The following MSI2 variants were observed in gnomAD, a reference collection of about 807,000 sequenced individuals.
MSI2 encodes the protein RNA-binding protein Musashi homolog 2.
In MSI2, 17 loss-of-function variants were observed where a neutral mutation model predicts 45.6. The observed-to-expected ratio is 0.37, with a 90% CI of 0.26 to 0.56. MSI2 has a LOEUF of 0.56. MSI2 is among the 20% of genes least tolerant of loss of function. The probability of loss-of-function intolerance (pLI) is 0.77; values close to 1 mark genes in which losing one functional copy is unlikely to be tolerated. For synonymous variants in MSI2, 156 were observed against 158.2 expected, an observed-to-expected ratio of 0.99 and a Z score of 0.11; for missense variants, 293 against 444.2, an observed-to-expected ratio of 0.66 and a Z score of 3.06.
At chr17:57,474,667 T>C (rs1199144193) in intron 6 of MSI2, among the ~76,000 whole-genome samples, 2 of 151,900 alleles carry the variant, frequency 1.3e-5, no homozygotes, top group Admixed American at 6.6e-5. Flanking sequence ...TGTTACTCTT[T>C]GTGGGAATAT....
chr17:57,682,735 T>C lies in MSI2; in HGVS notation c.*3218T>C, dbSNP rs1231307846. 1.4e-5 allele frequency: 3 copies of C among 220,190 alleles called. No individual in the cohort carries two copies. Among genetic ancestry groups the C allele is most frequent in the Non-Finnish European group, 2.7e-5 (3 of 110,018 alleles). The allele number at this position is 220,190 out of a possible 1,614,324, so 13.6% of individuals were successfully genotyped here. Reference sequence around the variant, plus strand: ...GCGAACATGGGAACCACCTTTCGCCTTCCCTGGGGGAGAAACCCTCTTGGC... The same window carrying C: ...GCGAACATGGGAACCACCTTTCGCCCTCCCTGGGGGAGAAACCCTCTTGGC... On this transcript the variant is annotated 3_prime_UTR_variant, in exon 14 of 14. Coordinates refer to ENST00000284073, the MANE Select transcript of MSI2 (RefSeq NM_138962.4).
rs776386422 is a variant in MSI2 at position 57,280,576 on chromosome 17, G to A, written c.312+18384G>A. 7.2e-5 allele frequency among the ~76,000 whole-genome samples: 11 copies of A among 152,098 alleles called. No individual in the cohort carries two copies. Among genetic ancestry groups the A allele is most frequent in the African/African-American group, 2.2e-4 (9 of 41,434 alleles). On this transcript the variant is annotated intron_variant, in intron 5 of 13. Transcript: ENST00000284073. This position sits in a 1 kb window ranked among gnomAD's most constrained non-coding sequence, Gnocchi z 4.2. ...AGCAGAGCCCCCAACCCCCACCTCC[G>A]TGAGATTGAGAGTGTTGGCCCATGC...
intron 6 of MSI2, among the ~76,000 whole-genome samples, chr17:57,500,102 A>G (rs1048934748): frequency 4.6e-5 from 7 of 152,170 alleles, no homozygotes; most frequent in Non-Finnish European, 1.0e-4. Flanking sequence ...TATTGTGGCC[A>G]TCTTAGGAGA....
chr17:57,277,204 C>T (rs1426796698), intron 5 of MSI2, among the ~76,000 whole-genome samples: 5 of 151,928 alleles, frequency 3.3e-5, no homozygotes, highest in Admixed American at 2.6e-4. Flanking sequence ...TACAGGTACC[C>T]GCCACCACAC....
rs1913729094 is a variant in MSI2, at chr17:57,683,372, A to G, written c.*3855A>G. On this transcript the variant is annotated 3_prime_UTR_variant, in exon 14 of 14. Transcript: ENST00000284073. The surrounding 1 kb of genome is among the most constrained non-coding windows in gnomAD (Gnocchi z 5.2). The stretch of plus-strand genomic sequence containing the variant: ...TCATTTGGGGGTTTTTGGGGAAAAA[A>G]TTTATTTTTGGTTCCAAATAGAAAA... 4.4e-6 allele frequency: 1 copy of G among 229,764 alleles called. No individual in the cohort carries two copies. The highest frequency in any genetic ancestry group is 8.6e-6 in the Non-Finnish European group (1 of 116,082). The allele number at this position is 229,764 out of a possible 1,614,324, so 14.2% of individuals were successfully genotyped here.
chr17:57,412,765 A>G (rs1189718570), intron 6 of MSI2, among the ~76,000 whole-genome samples: 2 of 152,190 alleles, frequency 1.3e-5, no homozygotes, highest in African/African-American at 2.4e-5. Context: ...CAGACTGTAT[A>G]GTTTTCATAC....
chr17:57,396,622 A>G (rs1363192968), intron 5 of MSI2, among the ~76,000 whole-genome samples: 1 of 152,228 alleles, frequency 6.6e-6, no homozygotes, highest in Non-Finnish European at 1.5e-5. Context: ...GCCAGTTCTT[A>G]CGTGTAAACA....
intron 10 of MSI2, among the ~76,000 whole-genome samples, chr17:57,634,370 G>A (rs1909670014): frequency 6.6e-6 from 1 of 152,186 alleles, no homozygotes; most frequent in South Asian, 2.1e-4. Context: ...GGAGGCTGAG[G>A]CAGGAGAATC....
At chr17:57,296,823 TCTAAG>T (rs1275338477) in intron 5 of MSI2, among the ~76,000 whole-genome samples, 1 of 152,200 alleles carries the variant, frequency 6.6e-6, no homozygotes, top group Non-Finnish European at 1.5e-5. Flanking sequence ...TATGGGGAAC[TCTAAG>T]CTATTTTTGC....
chr17:57,632,798 CCATTTGATG>C (rs747008301), intron 10 of MSI2: 99 of 1,065,488 alleles, frequency 9.3e-5, no homozygotes, highest in Non-Finnish European at 1.1e-4. Flanking sequence ...CCGCACGCTT[CCATTTGATG>C]CATTTGATGT....
At position 57,291,688 on chromosome 17, in the gene MSI2, A is replaced by G. The variant is rs17821397; in HGVS notation, c.312+29496A>G. Among the ~76,000 whole-genome samples, 88 of 152,196 alleles carry G rather than the reference A, an allele frequency of 5.8e-4. No individual in the cohort carries two copies. In the East Asian group the frequency reaches 0.014, roughly 24 times the overall value. ...CTGACCTGTTGTCAGCAGGTCCCGC[A>G]CTTGAATTGTTTTCTCTACGGTAGG... On this transcript the variant is annotated intron_variant, in intron 5 of 13. Transcript: ENST00000284073.
chr17:57,699,142 AG>A, the MSI2 span, among the ~76,000 whole-genome samples: 1,788 of 37,518 alleles, frequency 0.048, 344 homozygotes, highest in African/African-American at 0.22. Flanking sequence ...AATGAGGAAG[AG>A]GCGAGGAGAG....
At chr17:57,673,064 G>A (rs933242756) in intron 11 of MSI2, among the ~76,000 whole-genome samples, 7 of 152,108 alleles carry the variant, frequency 4.6e-5, no homozygotes, top group Non-Finnish European at 7.3e-5. Context: ...GCTCACCTTC[G>A]GGCTTCCCGC....
At chr17:57,352,117 G>T (rs1395979699) in intron 5 of MSI2, among the ~76,000 whole-genome samples, 2 of 152,184 alleles carry the variant, frequency 1.3e-5, no homozygotes, top group Non-Finnish European at 2.9e-5. Flanking sequence ...TCTTTGGTTT[G>T]CTGTTGACTT....
chr17:57,474,970 C>T (rs867260945), intron 6 of MSI2, among the ~76,000 whole-genome samples: 1 of 152,206 alleles, frequency 6.6e-6, no homozygotes, highest in Admixed American at 6.5e-5. Context: ...GATCTGCCTG[C>T]CTCGGCATCC....
At chr17:57,541,490 C>A (rs2087045239) in intron 7 of MSI2, among the ~76,000 whole-genome samples, 2 of 152,202 alleles carry the variant, frequency 1.3e-5, no homozygotes, top group African/African-American at 4.8e-5. Flanking sequence ...AAGAAAACAG[C>A]AAGACAACAC....
chr17:57,687,196 A>AGAGT (rs10664872), downstream of MSI2, among the ~76,000 whole-genome samples: 94,634 of 151,684 alleles, frequency 0.62, 30,051 homozygotes, highest in African/African-American at 0.75. Flanking sequence ...AGCTGTACTC[A>AGAGT]AAATGTAAGC....
Position 57,627,066 on chromosome 17 carries a change from G to A in MSI2, c.653-163G>A, listed in dbSNP as rs1908874193. 1.5e-6 allele frequency: 1 copy of A among 663,532 alleles called. No individual in the cohort carries two copies. Among genetic ancestry groups the A allele is most frequent in the Non-Finnish European group, 2.7e-6 (1 of 374,950 alleles). 41.1% of individuals were successfully genotyped at this position (663,532 alleles called of 1,614,324 possible). Reference sequence around the variant, plus strand: ...GACAGCAGCGCCCCCGGCCACAGGAGAGAGGTGACCCAGACCCTTAATAAA... The same window carrying A: ...GACAGCAGCGCCCCCGGCCACAGGAAAGAGGTGACCCAGACCCTTAATAAA... On this transcript the variant is annotated intron_variant, in intron 9 of 13. Transcript: ENST00000284073. The surrounding 1 kb of genome is among the most constrained non-coding windows in gnomAD (Gnocchi z 4.6).
chr17:57,692,433 A>G, the MSI2 span, among the ~76,000 whole-genome samples: 1 of 152,346 alleles, frequency 6.6e-6, no homozygotes, highest in East Asian at 1.9e-4. Flanking sequence ...ATAGTAATTC[A>G]TATTAGACAA....
Sources: allele counts gnomAD v4.1 joint callset (sites outside exome capture counted in the v4.1 genomes callset), GRCh38; gene constraint gnomAD v4.1.1; non-coding constraint Gnocchi (gnomAD v3.1); transcripts MANE v1.5; gene names NCBI Gene and HGNC (gene_info 2026-07-23, HGNC 2026-07-21).